Variants in HS3ST4 observed in about 807,000 individuals in gnomAD.
The protein encoded by HS3ST4 is heparan sulfate glucosamine 3-O-sulfotransferase 4.
HS3ST4 carries 17 observed loss-of-function variants against 29.2 expected under a neutral mutation model. That is an observed-to-expected ratio of 0.58 (90% CI 0.40 to 0.87). The LOEUF (loss-of-function observed/expected upper bound fraction) is 0.87. Ranked by LOEUF, HS3ST4 falls within the 40% of genes least tolerant of loss-of-function variation. The probability of loss-of-function intolerance (pLI) is 0.00; values close to 1 mark genes in which losing one functional copy is unlikely to be tolerated. For missense variants in HS3ST4, 627 were observed against 634.5 expected (o/e 0.99, Z 0.13); for synonymous variants, 314 against 285.7 (o/e 1.10, Z -1.00).
intron 1 of HS3ST4, among the ~76,000 whole-genome samples, chr16:25,936,115 A>T (rs902503454): frequency 6.6e-6 from 1 of 152,172 alleles, no homozygotes; most frequent in Non-Finnish European, 1.5e-5. Context: ...ACTGAGGGAT[A>T]ATCTCCATGA....
At chr16:25,888,831 A>G (rs771924492) in intron 1 of HS3ST4, among the ~76,000 whole-genome samples, 1 of 152,246 alleles carries the variant, frequency 6.6e-6, no homozygotes, top group South Asian at 2.1e-4. Context: ...AAAGATGCTC[A>G]GATGCTTGGA....
At chr16:25,906,853 T>C (rs1237404903) in intron 1 of HS3ST4, among the ~76,000 whole-genome samples, 1 of 152,264 alleles carries the variant, frequency 6.6e-6, no homozygotes, top group East Asian at 1.9e-4. Context: ...CCAACAATTT[T>C]AGATTTCAAG....
At chr16:26,031,625 G>A (rs553013182) in intron 1 of HS3ST4, among the ~76,000 whole-genome samples, 7 of 151,884 alleles carry the variant, frequency 4.6e-5, no homozygotes, top group Admixed American at 2.6e-4. Context: ...AAGGGAAGAA[G>A]GATCATTTAG....
rs554078233 is a variant in HS3ST4, at chr16:26,101,010, C to T, written c.735-34602C>T. On this transcript the variant is annotated intron_variant, in intron 1 of 1. Transcript: ENST00000331351. The stretch of plus-strand genomic sequence containing the variant: ...CAGAAAAGGACATTACCATCTGCCC[C>T]GTTACTAAAGCCCAGAGCCTGGGAA... Among the ~76,000 whole-genome samples the T allele has an allele frequency of 3.4e-4, 52 of 152,292 alleles. 1 individual carries two copies. Among genetic ancestry groups the T allele is most frequent in the African/African-American group, 1.1e-3 (46 of 41,562 alleles).
At chr16:25,764,187 C>T (rs1035851114) in intron 1 of HS3ST4, among the ~76,000 whole-genome samples, 2 of 152,120 alleles carry the variant, frequency 1.3e-5, no homozygotes, top group Non-Finnish European at 2.9e-5. Context: ...TGGGACATTG[C>T]AGGGAGGTGC....
intron 1 of HS3ST4, among the ~76,000 whole-genome samples, chr16:26,039,869 G>A (rs1349149689): frequency 6.6e-6 from 1 of 152,022 alleles, no homozygotes; most frequent in East Asian, 1.9e-4. Flanking sequence ...ACATAGAATT[G>A]CATGGCGATT....
At chr16:25,857,938 TTC>T (rs1300481615) in intron 1 of HS3ST4, among the ~76,000 whole-genome samples, 4 of 52,556 alleles carry the variant, frequency 7.6e-5, no homozygotes, top group African/African-American at 4.3e-4. Flanking sequence ...CTTTCTTTCT[TTC>T]TTTCTTTCTT....
chr16:25,797,721 A>T (rs138991834), intron 1 of HS3ST4, among the ~76,000 whole-genome samples: 378 of 152,294 alleles, frequency 2.5e-3, no homozygotes, highest in Non-Finnish European at 3.4e-3. Context: ...CTTGCACTTT[A>T]TTGCCAGTGA....
intron 1 of HS3ST4, among the ~76,000 whole-genome samples, chr16:25,828,250 T>TTCTG (rs1567249338): frequency 1.8e-5 from 1 of 55,362 alleles, no homozygotes; most frequent in African/African-American, 7.3e-5. Context: ...TTCTCTTTCT[T>TTCTG]TCTTTCTTTC....
intron 1 of HS3ST4, among the ~76,000 whole-genome samples, chr16:25,838,697 C>T (rs893644503): frequency 1.3e-5 from 2 of 152,162 alleles, no homozygotes; most frequent in Non-Finnish European, 2.9e-5. Flanking sequence ...AGATCTATAA[C>T]TGGGTTTGCG....
chr16:25,853,321 T>C (rs1967540759), intron 1 of HS3ST4, among the ~76,000 whole-genome samples: 1 of 151,988 alleles, frequency 6.6e-6, no homozygotes, highest in South Asian at 2.1e-4. Context: ...TGTATATATA[T>C]ATATATATAT....
intron 1 of HS3ST4, among the ~76,000 whole-genome samples, chr16:25,921,506 A>G (rs1968353587): frequency 6.6e-6 from 1 of 152,192 alleles, no homozygotes; most frequent in African/African-American, 2.4e-5. Context: ...TCTCATTACT[A>G]GGAGGGGAGA....
At chr16:25,714,734 A>C (rs898266996) in intron 1 of HS3ST4, among the ~76,000 whole-genome samples, 2 of 152,204 alleles carry the variant, frequency 1.3e-5, no homozygotes, top group African/African-American at 4.8e-5. Context: ...GACATGGCAG[A>C]GAAGTCTAGC....
chr16:26,019,046 G>T (rs1969386877), intron 1 of HS3ST4, among the ~76,000 whole-genome samples: 1 of 152,072 alleles, frequency 6.6e-6, no homozygotes, highest in African/African-American at 2.4e-5. Flanking sequence ...TCATCTTGAT[G>T]CTGAGGATTC....
At chr16:25,938,387 C>T (rs1968538610) in intron 1 of HS3ST4, among the ~76,000 whole-genome samples, 1 of 152,096 alleles carries the variant, frequency 6.6e-6, no homozygotes, top group Non-Finnish European at 1.5e-5. Context: ...ACATATATTT[C>T]ATTGTCTTTT....
chr16:25,828,125 TTCCC>T (rs201520959), intron 1 of HS3ST4, among the ~76,000 whole-genome samples: 2,845 of 150,072 alleles, frequency 0.019, 90 homozygotes, highest in African/African-American at 0.065. Context: ...TAAGCAGCCC[TTCCC>T]TCCCTCCCTC....
At chr16:25,801,914 T>C (rs1966939423) in intron 1 of HS3ST4, among the ~76,000 whole-genome samples, 2 of 152,068 alleles carry the variant, frequency 1.3e-5, no homozygotes, top group African/African-American at 4.8e-5. Flanking sequence ...CCTCTTGGAT[T>C]TTATACTTAA....
At chr16:25,715,307 C>T (rs971874098) in intron 1 of HS3ST4, among the ~76,000 whole-genome samples, 12 of 121,632 alleles carry the variant, frequency 9.9e-5, no homozygotes, top group South Asian at 2.9e-4. Flanking sequence ...CCGGCCTGGG[C>T]GACAGAGCGA....
chr16:25,766,014 G>A (rs970170027), intron 1 of HS3ST4, among the ~76,000 whole-genome samples: 3 of 152,166 alleles, frequency 2.0e-5, no homozygotes, highest in East Asian at 1.9e-4. Flanking sequence ...TTAGCAAGTC[G>A]GAAATCCCAG....
Sources: gnomAD v4.1 joint callset for allele counts (sites outside exome capture counted in the v4.1 genomes callset) on GRCh38, gnomAD v4.1.1 for gene constraint, MANE v1.5 for transcripts, NCBI Gene and HGNC (gene_info 2026-07-23, HGNC 2026-07-21) for gene names.